Variants in ATL2 observed in about 807,000 individuals in gnomAD.
The protein encoded by ATL2 is atlastin GTPase 2.
A neutral mutation model predicts 73.9 loss-of-function variants in ATL2; 31 were observed. The ratio of observed to expected loss-of-function variants is 0.42; its 90% CI spans 0.32 to 0.57. The LOEUF (loss-of-function observed/expected upper bound fraction) is 0.57. Ranked by LOEUF, ATL2 falls within the 20% of genes least tolerant of loss-of-function variation. The pLI is 0.14. For missense variants in ATL2, 738 were observed against 702.6 expected, an observed-to-expected ratio of 1.05 and a Z score of -0.57; for synonymous variants, 291 against 237.5, an observed-to-expected ratio of 1.23 and a Z score of -2.07.
At chr2:38,346,338 A>AAT (rs1196032747) in intron 1 of ATL2, among the ~76,000 whole-genome samples, 3 of 152,194 alleles carry the variant, frequency 2.0e-5, no homozygotes, top group Non-Finnish European at 4.4e-5. Context: ...GCAACTAAAT[A>AAT]ATATAGTTAC....
At chr2:38,343,155 A>T in intron 2 of ATL2, 113 bp downstream of exon 2, 4 of 331,314 alleles carry the variant, frequency 1.2e-5, no homozygotes, top group East Asian at 6.2e-5. Flanking sequence ...AAATTAAAAA[A>T]AAAAAAAAAA....
intron 2 of ATL2, 45 bp downstream of exon 2, chr2:38,343,223 G>A: frequency 2.2e-6 from 3 of 1,347,074 alleles, no homozygotes; most frequent in Non-Finnish European, 2.0e-6. Context: ...GGCATGGTTG[G>A]TACTTTTTTC....
chr2:38,328,470 G>A (rs868135212), intron 2 of ATL2, among the ~76,000 whole-genome samples: 2 of 152,072 alleles, frequency 1.3e-5, no homozygotes, highest in Non-Finnish European at 2.9e-5. Flanking sequence ...ATAATACAAA[G>A]TATGCTCTCA....
rs1195951611 is a variant in ATL2 at position 38,295,360 on chromosome 2, CA to C, written c.*633del. ...ACATGAAGGCTAAACTGCAAAAAGACAGTTCAGTTTCCCAGATATGCATCTC... is the reference window on the plus strand; with the variant it reads ...ACATGAAGGCTAAACTGCAAAAAGACGTTCAGTTTCCCAGATATGCATCTC... On this transcript the variant is annotated 3_prime_UTR_variant, in exon 13 of 13. Coordinates refer to ENST00000378954, the MANE Select transcript of ATL2 (RefSeq NM_001135673.4). 6.6e-6 allele frequency: 1 copy of C among 152,154 alleles called. No homozygotes were observed. The highest frequency in any genetic ancestry group is 1.9e-4 in the East Asian group (1 of 5,198). 9.4% of individuals were successfully genotyped at this position (152,154 alleles called of 1,614,324 possible).
chr2:38,355,038 A>G (rs188966692), intron 1 of ATL2, among the ~76,000 whole-genome samples: 68 of 152,292 alleles, frequency 4.5e-4, no homozygotes, highest in African/African-American at 1.5e-3. Flanking sequence ...ACTAAATTCA[A>G]TAATTACATC....
At chr2:38,310,637 T>A (rs1373545049) in intron 7 of ATL2, among the ~76,000 whole-genome samples, 190 bp from the exon 8 acceptor site, 2 of 150,494 alleles carry the variant, frequency 1.3e-5, no homozygotes, top group African/African-American at 4.9e-5. Context: ...CACTTTTTTT[T>A]TTTTTTTTTT....
At chr2:38,339,809 G>C (rs927917981) in intron 2 of ATL2, among the ~76,000 whole-genome samples, 15 of 152,052 alleles carry the variant, frequency 9.9e-5, no homozygotes, top group African/African-American at 3.6e-4. Flanking sequence ...CTCTGCCTCA[G>C]CCTCCCAAGT....
At chr2:38,352,392 T>G (rs531064285) in intron 1 of ATL2, among the ~76,000 whole-genome samples, 18 of 152,136 alleles carry the variant, frequency 1.2e-4, no homozygotes, top group African/African-American at 4.3e-4. Context: ...AAGGACACTT[T>G]CAAGGTGAGT....
At chr2:38,336,880 T>C (rs936412225) in intron 2 of ATL2, among the ~76,000 whole-genome samples, 3 of 152,206 alleles carry the variant, frequency 2.0e-5, no homozygotes, top group African/African-American at 7.2e-5. Context: ...ATGTGCTTCC[T>C]AATGGAAGAA....
At chr2:38,348,522 A>T (rs928897809) in intron 1 of ATL2, among the ~76,000 whole-genome samples, 1 of 152,168 alleles carries the variant, frequency 6.6e-6, no homozygotes, top group Non-Finnish European at 1.5e-5. Context: ...CTCAAAAGTA[A>T]TAACTGCTAA....
At chr2:38,301,870 T>G (rs1667208312) in intron 9 of ATL2, among the ~76,000 whole-genome samples, 1 of 152,174 alleles carries the variant, frequency 6.6e-6, no homozygotes, top group East Asian at 1.9e-4. Flanking sequence ...GGACTGCTAG[T>G]GTCACTCCCC....
At chr2:38,361,957 C>T (rs1399221917) in intron 1 of ATL2, among the ~76,000 whole-genome samples, 1 of 152,256 alleles carries the variant, frequency 6.6e-6, no homozygotes, top group East Asian at 1.9e-4. Flanking sequence ...CATGCTGTTT[C>T]CACTATACCA....
At chr2:38,307,578 C>T (rs1259082560) in intron 9 of ATL2, among the ~76,000 whole-genome samples, 1 of 151,920 alleles carries the variant, frequency 6.6e-6, no homozygotes, top group Non-Finnish European at 1.5e-5. Context: ...TTCAGTAATA[C>T]CCTACAAGCA....
upstream of ATL2, among the ~76,000 whole-genome samples, chr2:38,377,726 C>T (rs189258094): frequency 1.3e-5 from 2 of 152,164 alleles, no homozygotes; most frequent in Non-Finnish European, 2.9e-5. Flanking sequence ...CCCTTCTCTC[C>T]TTTTCATCGC....
At chr2:38,317,166 A>C (rs907207681) in intron 4 of ATL2, among the ~76,000 whole-genome samples, 1 of 152,104 alleles carries the variant, frequency 6.6e-6, no homozygotes, top group African/African-American at 2.4e-5. Flanking sequence ...AAAAAAATCC[A>C]AGACACTGTG....
intron 2 of ATL2, among the ~76,000 whole-genome samples, chr2:38,334,886 T>C (rs1301104659): frequency 1.6e-4 from 5 of 30,562 alleles, no homozygotes; most frequent in Admixed American, 1.1e-3. Context: ...TATTATATAA[T>C]ATATAATATA....
chr2:38,376,066 C>A (rs1041468629), intron 1 of ATL2: 1 of 1,390,088 alleles, frequency 7.2e-7, no homozygotes, highest in Non-Finnish European at 9.5e-7. Flanking sequence ...TCTTAAGACA[C>A]GAGCTCGTAT....
chr2:38,363,327 C>A (rs1364253669), intron 1 of ATL2, among the ~76,000 whole-genome samples: 1 of 149,230 alleles, frequency 6.7e-6, no homozygotes, highest in Non-Finnish European at 1.5e-5. Flanking sequence ...CTTCTAGAAA[C>A]CTGAAAAAAG....
At chr2:38,366,842 A>C (rs1419229303) in intron 1 of ATL2, among the ~76,000 whole-genome samples, 1 of 152,126 alleles carries the variant, frequency 6.6e-6, no homozygotes, top group Non-Finnish European at 1.5e-5. Flanking sequence ...GAAAAAAGCT[A>C]ATTATTTGTC....
Sources: gnomAD v4.1 joint callset for allele counts (sites outside exome capture counted in the v4.1 genomes callset) on GRCh38, gnomAD v4.1.1 for gene constraint, MANE v1.5 for transcripts, NCBI Gene and HGNC (gene_info 2026-07-23, HGNC 2026-07-21) for gene names.